E2F3: variants seen among roughly 807,000 people sequenced by gnomAD.
E2F3 encodes E2F transcription factor 3.
In E2F3, 11 loss-of-function variants were observed where a neutral mutation model predicts 44.4. That is an observed-to-expected ratio of 0.25 (90% CI 0.16 to 0.41). The LOEUF (loss-of-function observed/expected upper bound fraction) is 0.41, where lower values mean the gene tolerates loss of function less well. Among genes scored for constraint, E2F3 ranks in the 10% least tolerant of loss-of-function variants. E2F3 has a pLI of 1.00. For missense variants in E2F3, 487 were observed against 583.6 expected (o/e 0.83, Z 1.70); for synonymous variants, 249 against 253.0 (o/e 0.98, Z 0.15).
chr6:20,428,084 C>T (rs541454639), intron 1 of E2F3, among the ~76,000 whole-genome samples: 4 of 152,302 alleles, frequency 2.6e-5, no homozygotes, highest in African/African-American at 7.2e-5. Flanking sequence ...ACTAAGGTCA[C>T]AGACATTTAG....
intron 1 of E2F3, among the ~76,000 whole-genome samples, chr6:20,436,637 C>G (rs1760596149): frequency 6.6e-6 from 1 of 152,176 alleles, no homozygotes; most frequent in Non-Finnish European, 1.5e-5. Flanking sequence ...ATGTTAGATG[C>G]TTTCCCACGT....
intron 1 of E2F3, among the ~76,000 whole-genome samples, chr6:20,448,235 TC>T (rs1474425901): frequency 6.6e-6 from 1 of 152,178 alleles, no homozygotes; most frequent in Non-Finnish European, 1.5e-5. Flanking sequence ...TAGAAACCTC[TC>T]CAGAGAAATA....
chr6:20,463,414 C>T (rs1761593180), intron 1 of E2F3, among the ~76,000 whole-genome samples: 1 of 152,136 alleles, frequency 6.6e-6, no homozygotes, highest in South Asian at 2.1e-4. Context: ...TTAAATGTAA[C>T]ATATTTACCC....
At chr6:20,464,890 C>T (rs1340250723) in intron 1 of E2F3, among the ~76,000 whole-genome samples, 1 of 152,220 alleles carries the variant, frequency 6.6e-6, no homozygotes, top group East Asian at 1.9e-4. Flanking sequence ...CAATTCAGTA[C>T]TAGCTAGGGG....
At chr6:20,404,716 A>C (rs1486021846) in intron 1 of E2F3, among the ~76,000 whole-genome samples, 3 of 100,362 alleles carry the variant, frequency 3.0e-5, no homozygotes, top group African/African-American at 5.4e-5. Flanking sequence ...TTAGTCAAAG[A>C]AGCTCATCGT....
intron 5 of E2F3, among the ~76,000 whole-genome samples, chr6:20,487,785 C>T (rs749883964): frequency 1.3e-5 from 2 of 152,184 alleles, no homozygotes; most frequent in Admixed American, 6.5e-5. Flanking sequence ...GCGAGCCGTA[C>T]AGCCTGTGTC....
intron 1 of E2F3, among the ~76,000 whole-genome samples, chr6:20,411,665 C>T (rs1168459548): frequency 1.3e-5 from 2 of 152,166 alleles, no homozygotes; most frequent in Non-Finnish European, 2.9e-5. Context: ...TGTGTTTGCT[C>T]GTAGCTTCTC....
intron 1 of E2F3, among the ~76,000 whole-genome samples, chr6:20,473,240 T>C (rs1347309116): frequency 6.6e-6 from 1 of 152,240 alleles, no homozygotes; most frequent in Non-Finnish European, 1.5e-5. Context: ...TAAGGCAATA[T>C]CAACTTAATC....
intron 1 of E2F3, among the ~76,000 whole-genome samples, chr6:20,458,058 T>A (rs960993915): frequency 6.6e-6 from 1 of 152,166 alleles, no homozygotes; most frequent in Non-Finnish European, 1.5e-5. Flanking sequence ...TAGCAATCAC[T>A]GCCGTAGGCC....
intron 1 of E2F3, among the ~76,000 whole-genome samples, chr6:20,435,190 C>G (rs1009592924): frequency 3.3e-5 from 5 of 152,180 alleles, no homozygotes; most frequent in Non-Finnish European, 7.3e-5. Context: ...TCACATGCCC[C>G]AAGTCTCCAA....
chr6:20,407,460 A>G (rs1759529761), intron 1 of E2F3, among the ~76,000 whole-genome samples: 1 of 152,244 alleles, frequency 6.6e-6, no homozygotes. Flanking sequence ...GGATTCTGAG[A>G]TTAATGTTAT....
intron 1 of E2F3, among the ~76,000 whole-genome samples, chr6:20,425,387 CTTT>C (rs879940355): frequency 5.2e-5 from 7 of 134,772 alleles, no homozygotes; most frequent in Admixed American, 1.5e-4. Context: ...GAACCTTCTA[CTTT>C]TTTTTTTTTT....
chr6:20,436,724 C>G (rs551468383), intron 1 of E2F3, among the ~76,000 whole-genome samples: 4 of 152,262 alleles, frequency 2.6e-5, no homozygotes, highest in African/African-American at 4.8e-5. Flanking sequence ...AACACGCTGC[C>G]TGGGATTTAA....
At chr6:20,466,778 G>A (rs752086369) in intron 1 of E2F3, among the ~76,000 whole-genome samples, 13 of 151,178 alleles carry the variant, frequency 8.6e-5, no homozygotes, top group Non-Finnish European at 1.8e-4. Flanking sequence ...CGCCTGCCGG[G>A]TTCAAGCAGT....
At chr6:20,479,735 G>A (rs1489192921) in intron 1 of E2F3, 111 bp from the exon 2 acceptor site, 1 of 808,272 alleles carries the variant, frequency 1.2e-6, no homozygotes, top group African/African-American at 1.7e-5. Flanking sequence ...GGAGCAGAGG[G>A]GTGAGAGCTG....
chr6:20,459,101 A>G (rs1459812011), intron 1 of E2F3, among the ~76,000 whole-genome samples: 1 of 152,168 alleles, frequency 6.6e-6, no homozygotes, highest in Non-Finnish European at 1.5e-5. Flanking sequence ...CCCCGTCTCT[A>G]CTAAAAATAT....
chr6:20,405,807 G>A (rs190822709), intron 1 of E2F3, among the ~76,000 whole-genome samples: 174 of 152,200 alleles, frequency 1.1e-3, no homozygotes, highest in Non-Finnish European at 2.2e-3. Context: ...TGGCGGCAGA[G>A]CGAGATTCCG....
chr6:20,402,187 A>G lies in E2F3; in HGVS notation c.-46A>G, dbSNP rs1759324456. 6.6e-7 allele frequency: 1 copy of G among 1,513,884 alleles called. No individual in the cohort carries two copies. The highest frequency in any genetic ancestry group is 1.5e-5 in the African/African-American group (1 of 68,864). The allele number at this position is 1,513,884 out of a possible 1,614,324, so 93.8% of individuals were successfully genotyped here. A position where few individuals can be genotyped will look rare whatever the true frequency, so the allele number is the denominator to read the frequency against. The stretch of plus-strand genomic sequence containing the variant: ...ACTGCAAATAATAAAGAAATTGAAA[A>G]CAATACATTAATATACCATAACACT... On this transcript the variant is annotated 5_prime_UTR_variant, in exon 1 of 7. Transcript: ENST00000346618. This position sits in a 1 kb window ranked among gnomAD's most constrained non-coding sequence, Gnocchi z 5.6.
intron 1 of E2F3, among the ~76,000 whole-genome samples, chr6:20,462,902 A>C (rs1408246542): frequency 1.1e-5 from 1 of 88,726 alleles, no homozygotes; most frequent in Non-Finnish European, 2.0e-5. Flanking sequence ...TTTTTGAGAC[A>C]GGGTCTCACT....
Sources: allele counts gnomAD v4.1 joint callset (sites outside exome capture counted in the v4.1 genomes callset), GRCh38; gene constraint gnomAD v4.1.1; non-coding constraint Gnocchi (gnomAD v3.1); transcripts MANE v1.5; gene names NCBI Gene and HGNC (gene_info 2026-07-23, HGNC 2026-07-21).